Variants in GASK1A observed in about 807,000 individuals in gnomAD.
The protein encoded by GASK1A is golgi associated kinase 1A.
Under a neutral mutation model 41.2 loss-of-function variants are expected in GASK1A, and 40 were observed. The observed-to-expected ratio is 0.97, with a 90% CI of 0.75 to 1.27. GASK1A has a LOEUF of 1.27. GASK1A is among the 50% of genes most tolerant of loss of function. The pLI is 0.00. For synonymous variants in GASK1A, 316 were observed against 307.1 expected (o/e 1.03, Z -0.30); for missense variants, 678 against 745.1 (o/e 0.91, Z 1.05).
chr3:42,992,701 C>T lies in GASK1A; in HGVS notation c.3+13056C>T, dbSNP rs371136153. On this transcript the variant is annotated intron_variant, in intron 1 of 4. Transcript: ENST00000430121. ...TGGAAACAGAGGAAGGGGAAAGGGA[C>T]GCCTAGTTCAAGAGTTGTTGATCTG... 5.3e-5 allele frequency among the ~76,000 whole-genome samples: 8 copies of T among 152,230 alleles called. No individual in the cohort carries two copies. The East Asian group carries it at 7.7e-4, about 15-fold the overall frequency.
In GASK1A at chr3:43,032,908, A is replaced by G. The variant is rs1414310551; in HGVS notation, c.645A>G (p.Gln215=). ...GAENRALTGG[Q]QAEDPTLASG... is the part of the protein sequence containing the mutation. ...AGAACAGAGCCTTGACTGGTGGGCA[A>G]CAAGCAGAGGATCCCACCTTGGCCT... is the stretch of plus-strand genomic sequence containing the variant. Residue 215 remains glutamine, a synonymous_variant, in exon 2 of 5, where the codon CAA becomes CAG. Coordinates refer to ENST00000430121, the MANE Select transcript of GASK1A (RefSeq NM_001129908.3). 15 of 1,551,032 alleles carry G rather than the reference A, an allele frequency of 9.7e-6. No homozygotes were observed. The South Asian group carries it at 1.4e-4, about 15-fold the overall frequency.
chr3:43,008,366 A>G, intron 1 of GASK1A, among the ~76,000 whole-genome samples: 1 of 152,276 alleles, frequency 6.6e-6, no homozygotes, highest in East Asian at 1.9e-4. Context: ...GCACCCCCAG[A>G]CGTGGCTGCC....
chr3:42,992,675 C>T (rs1243246188), intron 1 of GASK1A, among the ~76,000 whole-genome samples: 1 of 152,110 alleles, frequency 6.6e-6, no homozygotes, highest in African/African-American at 2.4e-5. Context: ...TGACGGTGAA[C>T]TGGAAACAGA....
intron 1 of GASK1A, among the ~76,000 whole-genome samples, chr3:42,982,331 T>G (rs974787940): frequency 6.6e-6 from 1 of 152,208 alleles, no homozygotes; most frequent in Non-Finnish European, 1.5e-5. Flanking sequence ...AAACTATTAC[T>G]GCCAATTAAA....
chr3:42,979,765 G>A, intron 1 of GASK1A, 120 bp downstream of exon 1: 1 of 1,046,852 alleles, frequency 9.6e-7, no homozygotes, highest in Non-Finnish European at 1.2e-6. Context: ...CGAGGCCGGA[G>A]TTGTTCCCCG....
At chr3:42,983,803 C>T (rs2089293566) in intron 1 of GASK1A, among the ~76,000 whole-genome samples, 1 of 152,194 alleles carries the variant, frequency 6.6e-6, no homozygotes, top group South Asian at 2.1e-4. Context: ...TTGTGCAGGG[C>T]TGGGCAGGGA....
rs77917419 is a variant in GASK1A, at chr3:43,056,452, C to G, written c.*66C>G. 1,362 of 1,369,170 alleles carry G rather than the reference C, an allele frequency of 9.9e-4. 37 individuals carry two copies. In the East Asian group the frequency reaches 0.032, roughly 32 times the overall value. The allele number at this position is 1,369,170 out of a possible 1,614,324, so 84.8% of individuals were successfully genotyped here. ...GCCACATTTTCTTGGGCTCACTCAT[C>G]TTGAGGACAAATGGGAAAAGCCAGA... is the stretch of plus-strand genomic sequence containing the variant. On this transcript the variant is annotated 3_prime_UTR_variant, in exon 5 of 5. Coordinates refer to ENST00000430121, the MANE Select transcript of GASK1A (RefSeq NM_001129908.3).
intron 2 of GASK1A, among the ~76,000 whole-genome samples, chr3:43,048,306 G>A (rs2089673346): frequency 6.6e-6 from 1 of 152,172 alleles, no homozygotes; most frequent in Admixed American, 6.6e-5. Flanking sequence ...CAGCTGTTGT[G>A]TCCAGTGCTA....
In GASK1A at chr3:43,015,615, G is replaced by C. The variant is rs186581316; in HGVS notation, c.4-16652G>C. Among the ~76,000 whole-genome samples the C allele has an allele frequency of 3.7e-3, 566 of 151,698 alleles. 6 individuals are homozygous for C. The highest frequency in any genetic ancestry group is 0.013 in the African/African-American group (536 of 41,334). On this transcript the variant is annotated intron_variant, in intron 1 of 4. Transcript: ENST00000430121. ...AGGAAAGTAGGAAGTCACAGGAAGC[G>C]GGTGTGTGAAGTCACTGAAAGGGGC...
intron 1 of GASK1A, among the ~76,000 whole-genome samples, chr3:43,022,679 G>T (rs2089528163): frequency 6.6e-6 from 1 of 152,210 alleles, no homozygotes; most frequent in Non-Finnish European, 1.5e-5. Context: ...GAGGATTAAA[G>T]GAGATAGTAA....
At chr3:42,979,755 C>T (rs1030018523) in intron 1 of GASK1A, 110 bp downstream of exon 1, 9 of 1,113,796 alleles carry the variant, frequency 8.1e-6, no homozygotes, top group Non-Finnish European at 3.4e-6. Context: ...CGCGGCCTCC[C>T]GAGGCCGGAG....
chr3:42,997,264 T>A (rs1388298884), intron 1 of GASK1A, among the ~76,000 whole-genome samples: 1 of 152,180 alleles, frequency 6.6e-6, no homozygotes, highest in Non-Finnish European at 1.5e-5. Flanking sequence ...TGTCTGGGGT[T>A]GAGTTGCTGG....
Position 43,033,741 on chromosome 3 carries a change from C to T in GASK1A, c.1290+188C>T, listed in dbSNP as rs555697417. The stretch of plus-strand genomic sequence containing the variant: ...TATCCAGTGGTTACTGGAGCCAGCT[C>T]ATCAGCTCACAAGAGCTGATGGCTA... On this transcript the variant is annotated intron_variant, in intron 2 of 4. Coordinates refer to ENST00000430121, the MANE Select transcript of GASK1A (RefSeq NM_001129908.3). Among the ~76,000 whole-genome samples, 53 of 152,310 alleles carry T rather than the reference C, an allele frequency of 3.5e-4. No individual in the cohort carries two copies. The South Asian group carries it at 0.011, about 30-fold the overall frequency.
At chr3:42,987,692 T>C (rs905225355) in intron 1 of GASK1A, among the ~76,000 whole-genome samples, 8 of 152,176 alleles carry the variant, frequency 5.3e-5, no homozygotes, top group African/African-American at 1.7e-4. Flanking sequence ...ATTGCCTTGA[T>C]AATCACAAGA....
At chr3:43,022,694 T>C (rs1228037621) in intron 1 of GASK1A, among the ~76,000 whole-genome samples, 2 of 152,220 alleles carry the variant, frequency 1.3e-5, no homozygotes, top group African/African-American at 4.8e-5. Flanking sequence ...TAGTAACTTA[T>C]ATATGATGAA....
At chr3:42,992,423 C>T (rs1421404489) in intron 1 of GASK1A, among the ~76,000 whole-genome samples, 4 of 152,150 alleles carry the variant, frequency 2.6e-5, no homozygotes, top group African/African-American at 9.7e-5. Flanking sequence ...AGGCACCTTG[C>T]GTAACAGTCA....
intron 1 of GASK1A, among the ~76,000 whole-genome samples, chr3:42,981,143 C>T (rs1575431869): frequency 1.3e-5 from 2 of 152,270 alleles, no homozygotes; most frequent in South Asian, 2.1e-4. Context: ...CCCGGTTTCA[C>T]GTCCCTGGCT....
chr3:43,022,622 A>G (rs2089528046), intron 1 of GASK1A, among the ~76,000 whole-genome samples: 1 of 152,136 alleles, frequency 6.6e-6, no homozygotes, highest in Non-Finnish European at 1.5e-5. Context: ...CTGTTTTCTC[A>G]GTTGTAAAAT....
At chr3:43,015,406 G>A (rs553601450) in intron 1 of GASK1A, among the ~76,000 whole-genome samples, 3 of 150,636 alleles carry the variant, frequency 2.0e-5, no homozygotes, top group African/African-American at 7.3e-5. Flanking sequence ...CACAGGTAGG[G>A]GCTGTGTGAA....
Sources: allele counts gnomAD v4.1 joint callset (sites outside exome capture counted in the v4.1 genomes callset), GRCh38; gene constraint gnomAD v4.1.1; transcripts MANE v1.5; gene names NCBI Gene and HGNC (gene_info 2026-07-23, HGNC 2026-07-21).